DHX16: variants seen among roughly 807,000 people sequenced by gnomAD.
DHX16 encodes the protein DEAH-box helicase 16, also known as pre-mRNA-splicing factor ATP-dependent RNA helicase DHX16.
A neutral mutation model predicts 131.2 loss-of-function variants in DHX16; 81 were observed. That is an observed-to-expected ratio of 0.62 (90% CI 0.52 to 0.74). DHX16 has a LOEUF of 0.74. Ranked by LOEUF, DHX16 falls within the 30% of genes least tolerant of loss-of-function variation. The pLI, the probability that DHX16 is intolerant of heterozygous loss-of-function variation, is 0.00. For synonymous variants in DHX16, 440 were observed against 520.2 expected, an observed-to-expected ratio of 0.85 and a Z score of 2.10; for missense variants, 980 against 1,363.1, an observed-to-expected ratio of 0.72 and a Z score of 4.43.
rs371865758 is a variant in DHX16 at position 30,670,902 on chromosome 6, C to G, written c.497G>C (p.Arg166Pro). The change falls in exon 3 of 20, where the codon CGG becomes CCG. Residue 166 changes from arginine (R) to proline (P), a missense_variant. Physicochemically the swap from Arg to Pro is moderately radical, Grantham distance 103. Coordinates refer to ENST00000376442, the MANE Select transcript of DHX16 (RefSeq NM_003587.5). The surrounding 1 kb of genome is among the most constrained non-coding windows in gnomAD (Gnocchi z 4.4). ...EKPESEDEWE[R>P]TERERLQDLE... ...GTCCTGAAGGCGTTCACGCTCTGTC[C>G]GTTCCCACTCATCTTCCGACTCTGG... 1.2e-6 allele frequency: 2 copies of G among 1,612,960 alleles called. No individual in the cohort carries two copies. The highest frequency in any genetic ancestry group is 1.7e-6 in the Non-Finnish European group (2 of 1,180,054).
Position 30,655,443 on chromosome 6 carries a change from A to G in DHX16, c.2653T>C (p.Tyr885His). The change falls in exon 17 of 20, where the codon TAC becomes CAC. Residue 885 changes from tyrosine (Y) to histidine (H), a missense_variant. By Grantham distance (83) the Tyr-to-His change is moderately conservative. This residue lies in a region of DHX16 where 214 missense variants were observed against 271.2 expected (regional missense o/e 0.79). Coordinates refer to ENST00000376442, the MANE Select transcript of DHX16 (RefSeq NM_003587.5). ...GGDHLVLLNV[Y>H]TQWAESGYSS... ...CACCCAAGCCCAGTGACCTGTGTGT[A>G]AACATTTAGCAGAACCAGGTGGTCA... The G allele has an allele frequency of 6.2e-7, 1 of 1,613,860 alleles. No individual in the cohort carries two copies.
rs1768981292 is a variant in DHX16 at position 30,665,690 on chromosome 6, T to G, written c.710A>C (p.Lys237Thr). Residue 237 changes from lysine to threonine, a missense_variant, in exon 5 of 20, where the codon AAG (lysine) becomes ACG (threonine). Lys to Thr is a moderately conservative substitution (Grantham distance 78). Around this residue, in one of 3 missense-constraint regions of DHX16, gnomAD observed 457 missense variants for 554.8 expected, o/e 0.82. Coordinates refer to ENST00000376442, the MANE Select transcript of DHX16 (RefSeq NM_003587.5). The surrounding 1 kb of genome is among the most constrained non-coding windows in gnomAD (Gnocchi z 4.8). Reference protein sequence around the residue: ...RKKSRREYLAKREREKLEDLE... With the variant: ...RKKSRREYLATREREKLEDLE... ...GTCCTCAAGCTTCTCTCGCTCCCGC[T>G]TAGCCAGGTACTCTCGGCGAGATTT... is the stretch of plus-strand genomic sequence containing the variant. 2 of 1,612,022 alleles carry G rather than the reference T, an allele frequency of 1.2e-6. No homozygotes were observed. The highest frequency in any genetic ancestry group is 2.7e-5 in the African/African-American group (2 of 74,932).
Position 30,671,200 on chromosome 6 carries a change from G to A in DHX16, c.282C>T (p.Asn94=), listed in dbSNP as rs1251212225. ...EREARALLEK[N]RSYRLLEDSE... is the part of the protein sequence containing the mutation. The stretch of plus-strand genomic sequence containing the variant: ...TGTCTTCCAGTAACCTATAAGATCG[G>A]TTCTTCTCCAGCAGGGCCCGGGCCT... Residue 94 remains asparagine, a synonymous_variant, in exon 2 of 20, where the codon AAC becomes AAT. Transcript: ENST00000376442. 1 of 1,612,954 alleles carries A rather than the reference G, an allele frequency of 6.2e-7. No homozygotes were observed. The highest frequency in any genetic ancestry group is 8.5e-7 in the Non-Finnish European group (1 of 1,180,010).
At chr6:30,667,020 GAAT>G (rs1769104437) in intron 4 of DHX16, among the ~76,000 whole-genome samples, 1 of 151,676 alleles carries the variant, frequency 6.6e-6, no homozygotes, top group African/African-American at 2.4e-5. Flanking sequence ...GCATTAAAAA[GAAT>G]AATGATGTGA....
intron 19 of DHX16, 55 bp downstream of exon 19, chr6:30,654,651 G>A: frequency 1.3e-6 from 2 of 1,514,600 alleles, no homozygotes; most frequent in South Asian, 1.3e-5. Context: ...AGCTTGCCAG[G>A]ACACCATCTC....
At chr6:30,654,594 A>T in intron 19 of DHX16, 112 bp downstream of exon 19, 1 of 1,056,602 alleles carries the variant, frequency 9.5e-7, no homozygotes, top group Non-Finnish European at 1.3e-6. Flanking sequence ...ATTTTACCCT[A>T]CCTTCCTCTT....
Position 30,670,552 on chromosome 6 carries a change from T to C in DHX16, c.610-86A>G. The C allele has an allele frequency of 7.0e-7, 1 of 1,435,366 alleles. No homozygotes were observed. The highest frequency in any genetic ancestry group is 9.6e-7 in the Non-Finnish European group (1 of 1,040,614). 88.9% of individuals were successfully genotyped at this position (1,435,366 alleles called of 1,614,324 possible). ...CTCCCCTCTAGAATCACAAGGATCA[T>C]TCAGATGCGCCCTAACACAAAAAAT... On this transcript the variant is annotated intron_variant, in intron 3 of 19. Coordinates refer to ENST00000376442, the MANE Select transcript of DHX16 (RefSeq NM_003587.5). The surrounding 1 kb of genome is among the most constrained non-coding windows in gnomAD (Gnocchi z 4.4).
intron 7 of DHX16, among the ~76,000 whole-genome samples, chr6:30,663,286 G>A (rs4713346): frequency 0.013 from 1,929 of 152,246 alleles, 24 homozygotes; most frequent in South Asian, 0.034. Context: ...GACAGAGCCA[G>A]CTAAGGTAAA....
chr6:30,670,592 A>T lies in DHX16; in HGVS notation c.610-126T>A, dbSNP rs1323606644. On this transcript the variant is annotated intron_variant, in intron 3 of 19. Coordinates refer to ENST00000376442, the MANE Select transcript of DHX16 (RefSeq NM_003587.5). The surrounding 1 kb of genome is among the most constrained non-coding windows in gnomAD (Gnocchi z 4.4). ...ACACAAAAAATGTCCCCTCTCAGTG[A>T]GGAATCTCTCTGATTGCAGGTACAG... 1.5e-5 allele frequency: 19 copies of T among 1,242,474 alleles called. No individual in the cohort carries two copies. The East Asian group carries it at 4.7e-4, about 31-fold the overall frequency. 77.0% of individuals were successfully genotyped at this position (1,242,474 alleles called of 1,614,324 possible). A position where few individuals can be genotyped will look rare whatever the true frequency, so the allele number is the denominator to read the frequency against.
intron 7 of DHX16, among the ~76,000 whole-genome samples, chr6:30,664,174 C>A (rs964463862): frequency 2.8e-4 from 43 of 151,700 alleles, no homozygotes; most frequent in African/African-American, 9.2e-4. Context: ...GGCATCAGAG[C>A]AAGAGCCTGT....
intron 4 of DHX16, among the ~76,000 whole-genome samples, chr6:30,667,255 G>C (rs1357607724): frequency 2.0e-5 from 3 of 152,076 alleles, no homozygotes; most frequent in African/African-American, 4.8e-5. Context: ...ACAAATTCTA[G>C]CCAATACACG....
rs148564391 is a variant in DHX16, at chr6:30,662,457, G to C, written c.1544+170C>G. On this transcript the variant is annotated intron_variant, in intron 9 of 19. Transcript: ENST00000376442. This position sits in a 1 kb window ranked among gnomAD's most constrained non-coding sequence, Gnocchi z 4.7. ...CTGGAGATGAATGGGGAAAGAAGAGGCTTTCTCTACAATCTCTTCTGTCCT... is the reference window on the plus strand; with the variant it reads ...CTGGAGATGAATGGGGAAAGAAGAGCCTTTCTCTACAATCTCTTCTGTCCT... Among the ~76,000 whole-genome samples the C allele has an allele frequency of 1.7e-4, 26 of 152,296 alleles. No individual in the cohort carries two copies. The highest frequency in any genetic ancestry group is 6.3e-4 in the African/African-American group (26 of 41,566).
chr6:30,671,652 C>T (rs1769567185), intron 1 of DHX16, among the ~76,000 whole-genome samples: 1 of 151,592 alleles, frequency 6.6e-6, no homozygotes, highest in Admixed American at 6.6e-5. Context: ...GGCACAATTA[C>T]TTAGTTTTAA....
In DHX16 at chr6:30,670,670, G is replaced by A; in HGVS notation, c.609+120C>T. On this transcript the variant is annotated intron_variant, in intron 3 of 19. Coordinates refer to ENST00000376442, the MANE Select transcript of DHX16 (RefSeq NM_003587.5). The surrounding 1 kb of genome is among the most constrained non-coding windows in gnomAD (Gnocchi z 4.4). ...ACAGGGCTTCTCTCACCACAGAGGT[G>A]AACATCTCACTAGAGACAGCCCCTT... 1.4e-6 allele frequency: 2 copies of A among 1,410,348 alleles called. No homozygotes were observed. Among genetic ancestry groups the A allele is most frequent in the Middle Eastern group, 1.9e-4 (1 of 5,136 alleles). The allele number at this position is 1,410,348 out of a possible 1,614,324, so 87.4% of individuals were successfully genotyped here.
chr6:30,657,332 T>G lies in DHX16; in HGVS notation c.2008-240A>C, dbSNP rs1021942533. On this transcript the variant is annotated intron_variant, in intron 12 of 19. Coordinates refer to ENST00000376442, the MANE Select transcript of DHX16 (RefSeq NM_003587.5). ...AATGGAGAAGAGGATTTAGGGTTTT[T>G]TTTTTTTTTCAGAGATGGGAAATGG... Among the ~76,000 whole-genome samples the G allele has an allele frequency of 3.9e-4, 59 of 151,168 alleles. 1 individual carries two copies. Among genetic ancestry groups the G allele is most frequent in the Admixed American group, 3.9e-4 (6 of 15,200 alleles).
At chr6:30,660,670 G>A in intron 9 of DHX16, 1 of 160,956 alleles carries the variant, frequency 6.2e-6, no homozygotes, top group Non-Finnish European at 1.3e-5. Flanking sequence ...CACAAGGTCA[G>A]GAGTTCGAGA....
chr6:30,658,821 C>T (rs943815955), intron 12 of DHX16, among the ~76,000 whole-genome samples: 3 of 152,182 alleles, frequency 2.0e-5, no homozygotes, highest in Non-Finnish European at 4.4e-5. Context: ...ACATGAACCT[C>T]CCACTAAGCC....
Position 30,671,238 on chromosome 6 carries a change from C to T in DHX16, c.244G>A (p.Ala82Thr). ...RKAVVEKPAR[A>T]AEREARALLE... ...AGGGCCCGGGCCTCTCGCTCTGCTG[C>T]CCGAGCTGGCTTTTCTACCACTGCC... The change falls in exon 2 of 20, where the codon GCA (alanine) becomes ACA (threonine). Residue 82 changes from alanine (A) to threonine (T), a missense_variant. Ala to Thr is a moderately conservative substitution (Grantham distance 58). Around this residue, in one of 3 missense-constraint regions of DHX16, gnomAD observed 457 missense variants for 554.8 expected, o/e 0.82. Transcript: ENST00000376442. 1 of 1,613,052 alleles carries T rather than the reference C, an allele frequency of 6.2e-7. No individual in the cohort carries two copies.
Position 30,661,702 on chromosome 6 carries a change from C to T in DHX16, c.1544+925G>A. 3 of 712,382 alleles carry T rather than the reference C, an allele frequency of 4.2e-6. No individual in the cohort carries two copies. In the South Asian group the frequency reaches 4.5e-5, roughly 11 times the overall value. 44.1% of individuals were successfully genotyped at this position (712,382 alleles called of 1,614,324 possible). On this transcript the variant is annotated intron_variant, in intron 9 of 19. Transcript: ENST00000376442. ...CTGGGTGGCAGCCAAGTCCCAGGAA[C>T]TCATCCCCATCTTCCCCTACCCACC...
Sources: gnomAD v4.1 joint callset for allele counts (sites outside exome capture counted in the v4.1 genomes callset) on GRCh38, gnomAD v4.1.1 for gene constraint, gnomAD v4.1.1 regional missense constraint, Gnocchi (gnomAD v3.1) non-coding constraint, MANE v1.5 for transcripts, NCBI Gene and HGNC (gene_info 2026-07-23, HGNC 2026-07-21) for gene names.